The following DIAPH3 variants were observed in gnomAD, a reference collection of about 807,000 sequenced individuals.
DIAPH3 encodes diaphanous related formin 3, also known as protein diaphanous homolog 3.
DIAPH3 carries 117 observed loss-of-function variants against 144.3 expected under a neutral mutation model. That is an observed-to-expected ratio of 0.81 (90% CI 0.70 to 0.95). The LOEUF (loss-of-function observed/expected upper bound fraction) is 0.95, where lower values mean the gene tolerates loss of function less well. Ranked by LOEUF, DIAPH3 falls within the 40% of genes least tolerant of loss-of-function variation. The probability of loss-of-function intolerance (pLI) is 0.00; values close to 1 mark genes in which losing one functional copy is unlikely to be tolerated. For missense variants in DIAPH3, 1,421 were observed against 1,412.7 expected (o/e 1.01, Z -0.09); for synonymous variants, 519 against 488.9 (o/e 1.06, Z -0.81).
chr13:59,911,096 C>T (rs1045214057), intron 20 of DIAPH3, among the ~76,000 whole-genome samples: 1 of 151,570 alleles, frequency 6.6e-6, no homozygotes, highest in African/African-American at 2.4e-5. Context: ...AAAGTGTAAC[C>T]GACCTAAAAA....
At chr13:60,163,070 G>A (rs76265078) in intron 1 of DIAPH3, among the ~76,000 whole-genome samples, 149 of 152,260 alleles carry the variant, frequency 9.8e-4, no homozygotes, top group Non-Finnish European at 1.7e-3. Context: ...AGAATAGCAA[G>A]TTTCAAATAT....
At chr13:60,145,524 C>T (rs1216870914) in intron 1 of DIAPH3, among the ~76,000 whole-genome samples, 1 of 152,178 alleles carries the variant, frequency 6.6e-6, no homozygotes, top group African/African-American at 2.4e-5. Flanking sequence ...GTGGCGGGCA[C>T]CTGTAGTCCC....
At chr13:59,838,525 A>T (rs1208286068) in intron 23 of DIAPH3, 1 of 152,134 alleles carries the variant, frequency 6.6e-6, no homozygotes, top group East Asian at 1.9e-4. Flanking sequence ...AGTATTTCTA[A>T]AGGAAATATT....
chr13:59,736,254 C>G (rs907281606), intron 27 of DIAPH3, among the ~76,000 whole-genome samples: 2 of 152,084 alleles, frequency 1.3e-5, no homozygotes, highest in African/African-American at 4.8e-5. Flanking sequence ...AATGAACATA[C>G]GTGTGTATGT....
chr13:59,951,159 A>G (rs1024975739), intron 17 of DIAPH3, among the ~76,000 whole-genome samples: 2 of 152,010 alleles, frequency 1.3e-5, no homozygotes, highest in African/African-American at 4.8e-5. Flanking sequence ...TAATCCTCAT[A>G]TGTTGTGGTT....
chr13:59,742,576 G>GAAA (rs2036512351), intron 27 of DIAPH3, among the ~76,000 whole-genome samples: 3 of 113,592 alleles, frequency 2.6e-5, no homozygotes, highest in Non-Finnish European at 3.9e-5. Flanking sequence ...GAAAAGAAAA[G>GAAA]AAAGAAAAGG....
intron 25 of DIAPH3, among the ~76,000 whole-genome samples, chr13:59,800,445 T>C (rs1026810278): frequency 1.3e-5 from 2 of 152,172 alleles, no homozygotes; most frequent in African/African-American, 4.8e-5. Context: ...CCCCATCACA[T>C]GAGTGTAGCA....
intron 20 of DIAPH3, among the ~76,000 whole-genome samples, chr13:59,888,109 C>T (rs2045564659): frequency 6.6e-6 from 1 of 152,012 alleles, no homozygotes; most frequent in Non-Finnish European, 1.5e-5. Flanking sequence ...TTGTGTCCCA[C>T]CAAACATAAA....
intron 17 of DIAPH3, among the ~76,000 whole-genome samples, chr13:59,928,879 T>C (rs928904743): frequency 6.6e-6 from 1 of 152,038 alleles, no homozygotes; most frequent in Non-Finnish European, 1.5e-5. Flanking sequence ...GGGTTGTACT[T>C]GGGGAATGGC....
chr13:59,717,919 A>C (rs1238043818), intron 27 of DIAPH3, among the ~76,000 whole-genome samples: 1 of 152,244 alleles, frequency 6.6e-6, no homozygotes, highest in Middle Eastern at 3.2e-3. Context: ...CTTATTTGTC[A>C]TTAGTTGTAC....
At chr13:59,873,407 G>A (rs1225601533) in intron 21 of DIAPH3, among the ~76,000 whole-genome samples, 2 of 152,154 alleles carry the variant, frequency 1.3e-5, no homozygotes, top group African/African-American at 4.8e-5. Context: ...GACTCACAGT[G>A]TTAACTTGTG....
At chr13:59,987,039 G>A (rs1364666404) in intron 12 of DIAPH3, among the ~76,000 whole-genome samples, 6 of 152,010 alleles carry the variant, frequency 3.9e-5, no homozygotes, top group Middle Eastern at 3.4e-3. Context: ...TGTTTATTGC[G>A]GCATTATTCA....
intron 21 of DIAPH3, among the ~76,000 whole-genome samples, chr13:59,870,541 T>C (rs1450812610): frequency 2.0e-5 from 3 of 152,114 alleles, no homozygotes; most frequent in Admixed American, 6.6e-5. Flanking sequence ...TGGGGCTCTA[T>C]TGAACCCATA....
intron 27 of DIAPH3, among the ~76,000 whole-genome samples, chr13:59,746,023 T>A (rs892680827): frequency 2.6e-5 from 4 of 152,234 alleles, no homozygotes; most frequent in African/African-American, 9.6e-5. Context: ...TGTTTACATC[T>A]TAAAAACAGC....
chr13:59,724,043 T>G (rs1353142869), intron 27 of DIAPH3, among the ~76,000 whole-genome samples: 1 of 151,524 alleles, frequency 6.6e-6, no homozygotes. Flanking sequence ...TTCTCTATTA[T>G]ACACTGTGAG....
At chr13:59,898,187 A>G (rs1280538705) in intron 20 of DIAPH3, among the ~76,000 whole-genome samples, 2 of 151,414 alleles carry the variant, frequency 1.3e-5, no homozygotes, top group Admixed American at 6.6e-5. Context: ...AAAGAGAATG[A>G]TAACAGCAGC....
At chr13:60,103,014 A>G (rs2058316260) in intron 3 of DIAPH3, among the ~76,000 whole-genome samples, 1 of 152,098 alleles carries the variant, frequency 6.6e-6, no homozygotes, top group Non-Finnish European at 1.5e-5. Context: ...GAGTCTTCCT[A>G]CAAGTTGCAT....
chr13:59,832,174 T>C (rs1253930752), intron 24 of DIAPH3, among the ~76,000 whole-genome samples: 1 of 151,898 alleles, frequency 6.6e-6, no homozygotes, highest in Non-Finnish European at 1.5e-5. Flanking sequence ...AAAAATAATT[T>C]ACAGAATTGC....
At chr13:59,707,503 G>C (rs2034495562) in intron 27 of DIAPH3, among the ~76,000 whole-genome samples, 1 of 152,270 alleles carries the variant, frequency 6.6e-6, no homozygotes, top group East Asian at 1.9e-4. Context: ...ATATTAAAGG[G>C]AATTGGAATC....
Sources: allele counts gnomAD v4.1 joint callset (sites outside exome capture counted in the v4.1 genomes callset), GRCh38; gene constraint gnomAD v4.1.1; transcripts MANE v1.5; gene names NCBI Gene and HGNC (gene_info 2026-07-23, HGNC 2026-07-21).